The following CNTLN variants were observed in gnomAD, a reference collection of about 807,000 sequenced individuals.
CNTLN encodes centlein.
In CNTLN, 212 loss-of-function variants were observed where a neutral mutation model predicts 180.0. The ratio of observed to expected loss-of-function variants is 1.18; its 90% CI spans 1.05 to 1.32. CNTLN has a LOEUF of 1.32. CNTLN is among the 40% of genes most tolerant of loss of function. The pLI, the probability that CNTLN is intolerant of heterozygous loss-of-function variation, is 0.00. For missense variants in CNTLN, 2,095 were observed against 1,610.9 expected, an observed-to-expected ratio of 1.30 and a Z score of -5.14; for synonymous variants, 722 against 563.1, an observed-to-expected ratio of 1.28 and a Z score of -3.99.
rs766597821 is a variant in CNTLN, at chr9:17,464,559, G to A, written c.3467G>A (p.Arg1156Gln). ...CATTTGATAGAGGACTTGAAATTTCGACAGAAAGTAAATTTGGAAAGTAAC... is the reference window on the plus strand; with the variant it reads ...CATTTGATAGAGGACTTGAAATTTCAACAGAAAGTAAATTTGGAAAGTAAC... ...KRHLIEDLKF[R>Q]QKVNLESNKS... Residue 1156 changes from arginine (R) to glutamine (Q), a missense_variant, in exon 21 of 26, where the codon CGA (arginine) becomes CAA (glutamine). By Grantham distance (43) the Arg-to-Gln change is conservative. Coordinates refer to ENST00000380647, the MANE Select transcript of CNTLN (RefSeq NM_017738.4). The A allele has an allele frequency of 4.6e-6, 7 of 1,515,138 alleles. No homozygotes were observed. The highest frequency in any genetic ancestry group is 3.9e-5 in the South Asian group (3 of 77,286). 93.9% of individuals were successfully genotyped at this position (1,515,138 alleles called of 1,614,324 possible).
intron 16 of CNTLN, among the ~76,000 whole-genome samples, chr9:17,412,666 A>C (rs1019678041): frequency 1.3e-5 from 2 of 152,186 alleles, no homozygotes; most frequent in African/African-American, 2.4e-5. Flanking sequence ...AAGTGTTCTG[A>C]GTAGGCTAGG....
rs538239059 is a variant in CNTLN at position 17,249,936 on chromosome 9, C to A, written c.849+13348C>A. On this transcript the variant is annotated intron_variant, in intron 5 of 25. Coordinates refer to ENST00000380647, the MANE Select transcript of CNTLN (RefSeq NM_017738.4). ...TTTAAGCCATCTTTATCCTTAATAA[C>A]CTTCCATGTAGATGCTTTTTCAGTT... Among the ~76,000 whole-genome samples, 5 of 147,850 alleles carry A rather than the reference C, an allele frequency of 3.4e-5. No individual in the cohort carries two copies. The East Asian group carries it at 6.0e-4, about 18-fold the overall frequency.
intron 8 of CNTLN, 117 bp downstream of exon 8, chr9:17,309,369 TGC>T: frequency 1.2e-6 from 1 of 823,394 alleles, no homozygotes. Context: ...ATAAGAAGTG[TGC>T]AGATTGTTTT....
intron 3 of CNTLN, among the ~76,000 whole-genome samples, chr9:17,231,769 A>G (rs1824829145): frequency 6.8e-6 from 1 of 146,638 alleles, no homozygotes; most frequent in Non-Finnish European, 1.5e-5. Context: ...ACTATGCTCA[A>G]GTATTGCCTA....
chr9:17,176,708 A>C (rs1263916742), intron 2 of CNTLN, among the ~76,000 whole-genome samples: 7 of 152,116 alleles, frequency 4.6e-5, no homozygotes, highest in Non-Finnish European at 7.4e-5. Context: ...AATTATCTGA[A>C]CCTGGAGGGT....
At chr9:17,381,634 A>C (rs1182429645) in intron 13 of CNTLN, among the ~76,000 whole-genome samples, 1 of 152,084 alleles carries the variant, frequency 6.6e-6, no homozygotes, top group African/African-American at 2.4e-5. Flanking sequence ...AAAGTTACCA[A>C]TTTCTGTATC....
At chr9:17,464,775 C>A in intron 21 of CNTLN, 152 bp downstream of exon 21, 4 of 446,582 alleles carry the variant, frequency 9.0e-6, no homozygotes, top group Non-Finnish European at 7.7e-6. Context: ...TCTGAAAGTA[C>A]ATTATTTATT....
the CNTLN span, among the ~76,000 whole-genome samples, chr9:17,516,105 G>C: frequency 6.6e-6 from 1 of 152,148 alleles, no homozygotes; most frequent in African/African-American, 2.4e-5. Context: ...GCAGCCACAT[G>C]ATTTTATCCC....
chr9:17,517,500 A>G, the CNTLN span, among the ~76,000 whole-genome samples: 3 of 152,326 alleles, frequency 2.0e-5, no homozygotes, highest in South Asian at 6.2e-4. Flanking sequence ...CTGGATTAGC[A>G]TGAGCCCACA....
intron 8 of CNTLN, among the ~76,000 whole-genome samples, chr9:17,317,567 C>T (rs1819614539): frequency 2.6e-5 from 4 of 151,888 alleles, no homozygotes; most frequent in Admixed American, 2.6e-4. Context: ...CTGATAAGCA[C>T]ATGACACACG....
intron 16 of CNTLN, 87 bp downstream of exon 16, chr9:17,409,560 G>A: frequency 2.2e-6 from 2 of 906,236 alleles, no homozygotes; most frequent in African/African-American, 1.7e-5. Context: ...TGTTACTACT[G>A]ATTTAATTTG....
chr9:17,431,903 C>G (rs1276774380), intron 18 of CNTLN, among the ~76,000 whole-genome samples: 1 of 152,114 alleles, frequency 6.6e-6, no homozygotes, highest in Non-Finnish European at 1.5e-5. Context: ...ATTTCATAAA[C>G]TAGGAAGCAT....
chr9:17,274,465 CTAT>C (rs1563946946), intron 6 of CNTLN, among the ~76,000 whole-genome samples: 1 of 141,242 alleles, frequency 7.1e-6, no homozygotes, highest in East Asian at 2.4e-4. Flanking sequence ...ATCTATCTAT[CTAT>C]CTATCTATCT....
chr9:17,263,794 T>G (rs1827192955), intron 5 of CNTLN, among the ~76,000 whole-genome samples: 1 of 144,988 alleles, frequency 6.9e-6, no homozygotes, highest in African/African-American at 2.7e-5. Context: ...TGATGGCCAG[T>G]GATGATGAGC....
intron 2 of CNTLN, among the ~76,000 whole-genome samples, chr9:17,171,168 A>G (rs184934464): frequency 6.6e-6 from 1 of 152,296 alleles, no homozygotes; most frequent in Non-Finnish European, 1.5e-5. Flanking sequence ...GGGATTGGTT[A>G]CTGGAAAATT....
At chr9:17,431,218 A>T (rs1829402030) in intron 18 of CNTLN, among the ~76,000 whole-genome samples, 1 of 151,882 alleles carries the variant, frequency 6.6e-6, no homozygotes, top group Non-Finnish European at 1.5e-5. Flanking sequence ...GCATCTGTTA[A>T]TTTTTGTCTT....
Position 17,154,276 on chromosome 9 carries a change from T to C in CNTLN, c.449+10900T>C, listed in dbSNP as rs578149977. Among the ~76,000 whole-genome samples, 140 of 152,330 alleles carry C rather than the reference T, an allele frequency of 9.2e-4. 1 individual carries two copies. The highest frequency in any genetic ancestry group is 8.7e-4 in the Non-Finnish European group (59 of 68,010). On this transcript the variant is annotated intron_variant, in intron 2 of 25. Coordinates refer to ENST00000380647, the MANE Select transcript of CNTLN (RefSeq NM_017738.4). ...TTTTCAGCCTTTTTGCACTGTTTTTTCCCCATCTTTGTGGATTTATCTTTC... is the reference window on the plus strand; with the variant it reads ...TTTTCAGCCTTTTTGCACTGTTTTTCCCCCATCTTTGTGGATTTATCTTTC...
chr9:17,269,157 G>C lies in CNTLN; in HGVS notation c.850-4576G>C, dbSNP rs557181218. Among the ~76,000 whole-genome samples, 16 of 152,240 alleles carry C rather than the reference G, an allele frequency of 1.1e-4. No homozygotes were observed. In the South Asian group the frequency reaches 2.5e-3, roughly 24 times the overall value. ...ATGCTGGGAACTGTAGACCGGAGCT[G>C]TTCCTATTCGGCCATGTTGGCTCCA... On this transcript the variant is annotated intron_variant, in intron 5 of 25. Transcript: ENST00000380647.
chr9:17,304,083 A>T (rs1018714862), intron 7 of CNTLN, among the ~76,000 whole-genome samples: 1 of 152,120 alleles, frequency 6.6e-6, no homozygotes, highest in African/African-American at 2.4e-5. Flanking sequence ...TTATCTGAAA[A>T]GATGAAAACA....
Sources: allele counts gnomAD v4.1 joint callset (sites outside exome capture counted in the v4.1 genomes callset), GRCh38; gene constraint gnomAD v4.1.1; transcripts MANE v1.5; gene names NCBI Gene and HGNC (gene_info 2026-07-23, HGNC 2026-07-21).